The following B3GALT1 variants were observed in gnomAD, a reference collection of about 807,000 sequenced individuals.
B3GALT1 encodes the protein beta-1,3-galactosyltransferase 1, also known as UDP-Gal:betaGlcNAc beta 1,3-galactosyltransferase, polypeptide 1.
In B3GALT1, 10 loss-of-function variants were observed where a neutral mutation model predicts 23.2. That is an observed-to-expected ratio of 0.43 (90% CI 0.27 to 0.73). The LOEUF (loss-of-function observed/expected upper bound fraction) is 0.73, where lower values mean the gene tolerates loss of function less well. Ranked by LOEUF, B3GALT1 falls within the 30% of genes least tolerant of loss-of-function variation. The pLI is 0.21. For synonymous variants in B3GALT1, 156 were observed against 141.5 expected, an observed-to-expected ratio of 1.10 and a Z score of -0.73; for missense variants, 299 against 405.4, an observed-to-expected ratio of 0.74 and a Z score of 2.25.
intron 4 of B3GALT1, among the ~76,000 whole-genome samples, chr2:167,859,683 C>T (rs1574305620): frequency 1.3e-5 from 2 of 152,260 alleles, no homozygotes; most frequent in East Asian, 3.9e-4. Context: ...ATGAATATTA[C>T]CTCTTGCTTT....
intron 3 of B3GALT1, among the ~76,000 whole-genome samples, chr2:167,790,814 T>A (rs540708167): frequency 1.3e-5 from 2 of 152,226 alleles, no homozygotes; most frequent in South Asian, 2.1e-4. Flanking sequence ...AGGATTTTTT[T>A]AATATCAATT....
rs537293827 is a variant in B3GALT1 at position 167,778,514 on chromosome 2, A to G, written c.-351-40158A>G. Among the ~76,000 whole-genome samples, 3 of 152,350 alleles carry G rather than the reference A, an allele frequency of 2.0e-5. No homozygotes were observed. In the South Asian group the frequency reaches 6.2e-4, roughly 32 times the overall value. ...AAATGCAAAGCCAAGTTGTATTTGT[A>G]GAGATATACCTACAATTACAACTCC... On this transcript the variant is annotated intron_variant, in intron 3 of 4. Transcript: ENST00000392690.
At chr2:167,840,612 G>A (rs1689623981) in intron 4 of B3GALT1, among the ~76,000 whole-genome samples, 1 of 150,136 alleles carries the variant, frequency 6.7e-6, no homozygotes, top group East Asian at 2.0e-4. Flanking sequence ...GTGGAAGTCA[G>A]TGTGGCGATT....
chr2:167,303,214 T>C (rs1279725638), intron 1 of B3GALT1, among the ~76,000 whole-genome samples: 1 of 152,170 alleles, frequency 6.6e-6, no homozygotes, highest in Non-Finnish European at 1.5e-5. Flanking sequence ...GGGCCAACTT[T>C]GTAGTTATTT....
chr2:167,752,099 CT>C (rs1687747293), intron 3 of B3GALT1, among the ~76,000 whole-genome samples: 1 of 151,574 alleles, frequency 6.6e-6, no homozygotes, highest in Admixed American at 6.6e-5. Context: ...ACATAAAGAA[CT>C]TTTACATTGT....
chr2:167,564,407 C>T (rs1468520839), intron 2 of B3GALT1, among the ~76,000 whole-genome samples: 1 of 152,050 alleles, frequency 6.6e-6, no homozygotes, highest in African/African-American at 2.4e-5. Context: ...GGGCTCCCCA[C>T]ATCCCAGACG....
rs1368440786 is a variant in B3GALT1 at position 167,728,397 on chromosome 2, TAAGTA to T, written c.-352+81435_-352+81439del. ...GTGAGACTCCATCAAAATAAATAAA[TAAGTA>T]AAGCTGCACCAAAATGTATTTTAAG... On this transcript the variant is annotated intron_variant, in intron 3 of 4. Transcript: ENST00000392690. Among the ~76,000 whole-genome samples, 15 of 152,004 alleles carry T rather than the reference TAAGTA, an allele frequency of 9.9e-5. No individual in the cohort carries two copies. In the East Asian group the frequency reaches 2.3e-3, roughly 24 times the overall value.
At chr2:167,413,070 T>A (rs1698414405) in intron 1 of B3GALT1, among the ~76,000 whole-genome samples, 2 of 152,134 alleles carry the variant, frequency 1.3e-5, no homozygotes, top group Admixed American at 1.3e-4. Flanking sequence ...GGGATTCTGA[T>A]AATATTCTAT....
intron 1 of B3GALT1, among the ~76,000 whole-genome samples, chr2:167,464,051 C>G (rs1392011900): frequency 1.3e-5 from 2 of 152,062 alleles, no homozygotes; most frequent in Non-Finnish European, 2.9e-5. Context: ...CATCTTTAAT[C>G]TTTTATATAA....
At chr2:167,337,186 C>T (rs1359758137) in intron 1 of B3GALT1, among the ~76,000 whole-genome samples, 3 of 152,126 alleles carry the variant, frequency 2.0e-5, no homozygotes, top group Non-Finnish European at 2.9e-5. Flanking sequence ...ATAAGCTTCA[C>T]TCCAGCAGAG....
chr2:167,871,277 ATTGCAT>A lies in B3GALT1; in HGVS notation c.*1262_*1267del, dbSNP rs1489099951. The A allele has an allele frequency of 2.0e-5, 3 of 152,174 alleles. No individual in the cohort carries two copies. Among genetic ancestry groups the A allele is most frequent in the Admixed American group, 6.5e-5 (1 of 15,276 alleles). The allele number at this position is 152,174 out of a possible 1,614,324, so 9.4% of individuals were successfully genotyped here. A position where few individuals can be genotyped will look rare whatever the true frequency, so the allele number is the denominator to read the frequency against. ...TACCTCACAGGTGCTGTGAGAGCAA[ATTGCAT>A]TTGCTAAGTATTTTGAGATCCTTAG... On this transcript the variant is annotated 3_prime_UTR_variant, in exon 5 of 5. Coordinates refer to ENST00000392690, the MANE Select transcript of B3GALT1 (RefSeq NM_020981.4).
chr2:167,716,023 C>T, intron 3 of B3GALT1: 1 of 1,610,178 alleles, frequency 6.2e-7, no homozygotes. Context: ...TCCTCCAGGA[C>T]CAGCCCCAAG....
At chr2:167,730,389 G>T (rs1346997845) in intron 3 of B3GALT1, among the ~76,000 whole-genome samples, 1 of 152,042 alleles carries the variant, frequency 6.6e-6, no homozygotes, top group Non-Finnish European at 1.5e-5. Flanking sequence ...TTGTTTTCTT[G>T]CTTTTTTCAA....
At chr2:167,318,281 C>T (rs896747748) in intron 1 of B3GALT1, among the ~76,000 whole-genome samples, 7 of 152,084 alleles carry the variant, frequency 4.6e-5, no homozygotes. Context: ...GCCGAGATCA[C>T]ACCACTCCAG....
chr2:167,788,738 T>C (rs1464817256), intron 3 of B3GALT1, among the ~76,000 whole-genome samples: 2 of 152,082 alleles, frequency 1.3e-5, no homozygotes, highest in Admixed American at 6.6e-5. Flanking sequence ...ATTTAGATGA[T>C]ACTTGGCTTT....
chr2:167,412,514 C>G (rs1003879919), intron 1 of B3GALT1, among the ~76,000 whole-genome samples: 1 of 152,114 alleles, frequency 6.6e-6, no homozygotes, highest in Non-Finnish European at 1.5e-5. Context: ...TATTCAACTT[C>G]ATTATATAAA....
At chr2:167,700,200 A>G (rs1162561466) in intron 3 of B3GALT1, among the ~76,000 whole-genome samples, 1 of 152,140 alleles carries the variant, frequency 6.6e-6, no homozygotes, top group Non-Finnish European at 1.5e-5. Flanking sequence ...GCTATGATTG[A>G]TTCACTGCAC....
intron 1 of B3GALT1, among the ~76,000 whole-genome samples, chr2:167,409,726 A>C (rs1288238965): frequency 6.6e-6 from 1 of 151,738 alleles, no homozygotes; most frequent in Admixed American, 6.6e-5. Flanking sequence ...TTGTTTGTTG[A>C]GATACCATCT....
intron 3 of B3GALT1, among the ~76,000 whole-genome samples, chr2:167,727,641 A>G (rs2105262263): frequency 6.6e-6 from 1 of 152,320 alleles, no homozygotes; most frequent in East Asian, 1.9e-4. Flanking sequence ...TAGAATTATC[A>G]TCAAAATCAT....
Sources: gnomAD v4.1 joint callset for allele counts (sites outside exome capture counted in the v4.1 genomes callset) on GRCh38, gnomAD v4.1.1 for gene constraint, MANE v1.5 for transcripts, NCBI Gene and HGNC (gene_info 2026-07-23, HGNC 2026-07-21) for gene names.